Variants in FBXO16 observed in about 807,000 individuals in gnomAD.
FBXO16 encodes the protein F-box protein 16.
Under a neutral mutation model 41.0 loss-of-function variants are expected in FBXO16, and 31 were observed. That is an observed-to-expected ratio of 0.76 (90% CI 0.57 to 1.02). FBXO16 has a LOEUF of 1.02. FBXO16 is among the 50% of genes least tolerant of loss of function. The pLI, the probability that FBXO16 is intolerant of heterozygous loss-of-function variation, is 0.00. For synonymous variants in FBXO16, 133 were observed against 117.8 expected, an observed-to-expected ratio of 1.13 and a Z score of -0.84; for missense variants, 361 against 346.2, an observed-to-expected ratio of 1.04 and a Z score of -0.34.
At position 28,483,479 on chromosome 8, in the gene FBXO16, AAC is replaced by A. The variant is rs775605701; in HGVS notation, c.-16-19_-16-18del. ...CTGGATATCCTTCCATAAGAAAAACAACACCTATCAGAAGAAGTGAATCATAT... is the reference window on the plus strand; with the variant it reads ...CTGGATATCCTTCCATAAGAAAAACAACCTATCAGAAGAAGTGAATCATAT... On this transcript the variant is annotated intron_variant, in intron 1 of 8. Transcript: ENST00000380254. 4 of 1,555,130 alleles carry A rather than the reference AAC, an allele frequency of 2.6e-6. No individual in the cohort carries two copies. The highest frequency in any genetic ancestry group is 2.7e-6 in the Non-Finnish European group (3 of 1,128,948).
At chr8:28,467,604 A>G (rs1275914567) in intron 3 of FBXO16, among the ~76,000 whole-genome samples, 4 of 152,242 alleles carry the variant, frequency 2.6e-5, no homozygotes, top group African/African-American at 9.6e-5. Context: ...TGTGCGCATA[A>G]AATTACCATG....
intron 1 of FBXO16, among the ~76,000 whole-genome samples, chr8:28,484,564 C>T (rs1398631083): frequency 6.6e-6 from 1 of 152,196 alleles, no homozygotes; most frequent in Admixed American, 6.5e-5. Context: ...CTGACAATAG[C>T]TTACTCTTAA....
chr8:28,471,132 T>A (rs544344261), intron 3 of FBXO16, among the ~76,000 whole-genome samples: 121 of 152,342 alleles, frequency 7.9e-4, no homozygotes, highest in African/African-American at 2.8e-3. Flanking sequence ...AGTAGTAGCA[T>A]GAAACAGCAA....
At chr8:28,469,561 ATAAAT>A (rs1803298404) in intron 3 of FBXO16, among the ~76,000 whole-genome samples, 1 of 152,184 alleles carries the variant, frequency 6.6e-6, no homozygotes. Context: ...TGGCAGTGAA[ATAAAT>A]TAGAGTACAC....
intron 5 of FBXO16, among the ~76,000 whole-genome samples, chr8:28,453,540 T>C (rs576600904): frequency 7.3e-4 from 111 of 152,068 alleles, no homozygotes; most frequent in South Asian, 5.6e-3. Flanking sequence ...GGTTGTAGCC[T>C]AAGGAAAGTA....
intron 7 of FBXO16, among the ~76,000 whole-genome samples, chr8:28,433,333 G>T (rs1321431051): frequency 6.6e-6 from 1 of 152,188 alleles, no homozygotes; most frequent in Non-Finnish European, 1.5e-5. Flanking sequence ...TCTGTTCTTG[G>T]CCTGCTTCCT....
At chr8:28,466,915 A>G (rs1803253127) in intron 3 of FBXO16, among the ~76,000 whole-genome samples, 1 of 151,992 alleles carries the variant, frequency 6.6e-6, no homozygotes, top group African/African-American at 2.4e-5. Flanking sequence ...GACAAAATGA[A>G]GATTGGAATT....
chr8:28,437,483 G>A (rs1178393184), intron 7 of FBXO16, among the ~76,000 whole-genome samples: 2 of 152,192 alleles, frequency 1.3e-5, no homozygotes, highest in Admixed American at 1.3e-4. Flanking sequence ...CAACAACCAA[G>A]ATTGTAGTTC....
At chr8:28,463,884 G>T in intron 3 of FBXO16, 66 bp from the exon 4 acceptor site, 2 of 1,432,492 alleles carry the variant, frequency 1.4e-6, no homozygotes, top group South Asian at 1.2e-5. Flanking sequence ...GATTCATTAC[G>T]AGTAAGACAT....
At position 28,440,586 on chromosome 8, in the gene FBXO16, G is replaced by A. The variant is rs1371939377; in HGVS notation, c.843+6585C>T. Among the ~76,000 whole-genome samples, 7 of 151,970 alleles carry A rather than the reference G, an allele frequency of 4.6e-5. No individual in the cohort carries two copies. In the East Asian group the frequency reaches 1.2e-3, roughly 25 times the overall value. ...TCCCCCCCACCCCTTTTGAGTGAAGGAAAAAAGGTGAGAAAGCTTGAAGAA... is the reference window on the plus strand; with the variant it reads ...TCCCCCCCACCCCTTTTGAGTGAAGAAAAAAAGGTGAGAAAGCTTGAAGAA... On this transcript the variant is annotated intron_variant, in intron 7 of 8. Coordinates refer to ENST00000380254, the MANE Select transcript of FBXO16 (RefSeq NM_172366.4).
chr8:28,439,563 C>A (rs1257062655), intron 7 of FBXO16, among the ~76,000 whole-genome samples: 1 of 151,964 alleles, frequency 6.6e-6, no homozygotes, highest in African/African-American at 2.4e-5. Flanking sequence ...AATAGCGAGA[C>A]CCTGTCTCTA....
intron 1 of FBXO16, among the ~76,000 whole-genome samples, chr8:28,485,494 A>G (rs1027171324): frequency 6.6e-6 from 1 of 152,132 alleles, no homozygotes; most frequent in Non-Finnish European, 1.5e-5. Context: ...TTTTTTAATC[A>G]TTATATTTTG....
At chr8:28,458,569 T>TTTTTA (rs56033894) in intron 4 of FBXO16, among the ~76,000 whole-genome samples, 1 of 115,652 alleles carries the variant, frequency 8.6e-6, no homozygotes, top group African/African-American at 3.2e-5. Context: ...TTTTTTTTTT[T>TTTTTA]GAGACAGAGT....
chr8:28,471,283 T>C (rs910014128), intron 3 of FBXO16, among the ~76,000 whole-genome samples: 25 of 152,240 alleles, frequency 1.6e-4, no homozygotes, highest in Non-Finnish European at 2.9e-4. Context: ...TCTCACTGTC[T>C]AGATTCTTTT....
intron 2 of FBXO16, among the ~76,000 whole-genome samples, chr8:28,480,762 C>T (rs141961174): frequency 0.01 from 1,589 of 152,274 alleles, 27 homozygotes; most frequent in African/African-American, 0.036. Flanking sequence ...GCCTTGGCCT[C>T]CCAAAGTGCT....
chr8:28,468,842 C>T (rs555405955), intron 3 of FBXO16, among the ~76,000 whole-genome samples: 147 of 138,182 alleles, frequency 1.1e-3, no homozygotes, highest in African/African-American at 3.8e-3. Context: ...AGTAAGACTC[C>T]ATCTTGAAAA....
Position 28,428,435 on chromosome 8 carries a change from A to C in FBXO16, c.*292T>G. 1.2e-6 allele frequency: 1 copy of C among 828,126 alleles called. No homozygotes were observed. Among genetic ancestry groups the C allele is most frequent in the Non-Finnish European group, 1.8e-6 (1 of 564,114 alleles). 51.3% of individuals were successfully genotyped at this position (828,126 alleles called of 1,614,324 possible). Reference sequence around the variant, plus strand: ...TATGCCATGAATTCCTTTTTACTGAAATACCGTAGGACTCACTACCACAAT... The same window carrying C: ...TATGCCATGAATTCCTTTTTACTGACATACCGTAGGACTCACTACCACAAT... On this transcript the variant is annotated 3_prime_UTR_variant, in exon 9 of 9. Coordinates refer to ENST00000380254, the MANE Select transcript of FBXO16 (RefSeq NM_172366.4).
At chr8:28,457,922 T>C (rs1230067278) in intron 4 of FBXO16, among the ~76,000 whole-genome samples, 1 of 152,202 alleles carries the variant, frequency 6.6e-6, no homozygotes, top group Non-Finnish European at 1.5e-5. Context: ...ATGGCCCTAC[T>C]ATGTGTAGCA....
chr8:28,447,223 T>C lies in FBXO16; in HGVS notation c.791A>G (p.Asp264Gly), dbSNP rs201413261. The C allele has an allele frequency of 5.0e-6, 8 of 1,613,890 alleles. No individual in the cohort carries two copies. The highest frequency in any genetic ancestry group is 1.6e-4 in the Middle Eastern group (1 of 6,062). Reference protein sequence around the residue: ...MTPDFSRQSHDKKNKLQDRTR... With the variant: ...MTPDFSRQSHGKKNKLQDRTR... ...TCTGTCCTGCAATTTATTTTTCTTA[T>C]CATGTGACTGTCGGCTGAAGTCTGG... The change falls in exon 7 of 9, where the codon GAT (aspartate) becomes GGT (glycine). Residue 264 changes from aspartate to glycine, a missense_variant. Transcript: ENST00000380254.
Sources: allele counts gnomAD v4.1 joint callset (sites outside exome capture counted in the v4.1 genomes callset), GRCh38; gene constraint gnomAD v4.1.1; transcripts MANE v1.5; gene names NCBI Gene and HGNC (gene_info 2026-07-23, HGNC 2026-07-21).